The following KIF16B variants were observed in gnomAD, a reference collection of about 807,000 sequenced individuals.
KIF16B encodes the protein kinesin-like protein KIF16B.
Under a neutral mutation model 156.3 loss-of-function variants are expected in KIF16B, and 98 were observed. That is an observed-to-expected ratio of 0.63 (90% CI 0.53 to 0.74). The LOEUF is 0.74. Ranked by LOEUF, KIF16B falls within the 30% of genes least tolerant of loss-of-function variation. KIF16B has a pLI of 0.00. For synonymous variants in KIF16B, 564 were observed against 583.7 expected, an observed-to-expected ratio of 0.97 and a Z score of 0.49; for missense variants, 1,421 against 1,606.5, an observed-to-expected ratio of 0.88 and a Z score of 1.97.
At chr20:16,417,047 C>A (rs189455798) in intron 15 of KIF16B, among the ~76,000 whole-genome samples, 28 of 152,212 alleles carry the variant, frequency 1.8e-4, no homozygotes, top group African/African-American at 6.0e-4. Flanking sequence ...CCTCTCATTT[C>A]TTGGCCGTAG....
At chr20:16,544,380 C>T (rs1000874993) in intron 1 of KIF16B, among the ~76,000 whole-genome samples, 2 of 152,070 alleles carry the variant, frequency 1.3e-5, no homozygotes, top group African/African-American at 4.8e-5. Context: ...GAGGCCAAGG[C>T]AGGTGAATGA....
rs747933709 is a variant in KIF16B at position 16,374,522 on chromosome 20, C to T, written c.3198-113G>A. ...GGGAACAAGATCTGTCCTCTGTGTG[C>T]AAAGAACTTTACCTTCTAGTAGAAA... On this transcript the variant is annotated intron_variant, in intron 19 of 25. Transcript: ENST00000354981. The T allele has an allele frequency of 6.9e-6, 7 of 1,012,608 alleles. No homozygotes were observed. The East Asian group carries it at 1.7e-4, about 24-fold the overall frequency. 62.7% of individuals were successfully genotyped at this position (1,012,608 alleles called of 1,614,324 possible). A position where few individuals can be genotyped will look rare whatever the true frequency, so the allele number is the denominator to read the frequency against.
At chr20:16,382,835 T>C (rs1262417272) in intron 17 of KIF16B, among the ~76,000 whole-genome samples, 1 of 151,204 alleles carries the variant, frequency 6.6e-6, no homozygotes, top group African/African-American at 2.4e-5. Flanking sequence ...GCTAAAAAGC[T>C]TGGCTACAGA....
At chr20:16,540,373 T>C (rs2070147391) in intron 1 of KIF16B, among the ~76,000 whole-genome samples, 1 of 152,172 alleles carries the variant, frequency 6.6e-6, no homozygotes, top group South Asian at 2.1e-4. Context: ...TTTAGCAAGA[T>C]TTGATATTCC....
chr20:16,506,478 GCACT>G (rs2147017505), intron 7 of KIF16B, among the ~76,000 whole-genome samples: 1 of 152,242 alleles, frequency 6.6e-6, no homozygotes, highest in South Asian at 2.1e-4. Context: ...GCACTGAGTG[GCACT>G]CAGCAGAGAA....
chr20:16,425,374 T>C (rs1030256367), intron 15 of KIF16B, among the ~76,000 whole-genome samples: 1 of 152,034 alleles, frequency 6.6e-6, no homozygotes, highest in Non-Finnish European at 1.5e-5. Context: ...TTTAAATAGA[T>C]AAATGACAAG....
chr20:16,418,839 T>A lies in KIF16B; in HGVS notation c.1612+8265A>T, dbSNP rs534771060. On this transcript the variant is annotated intron_variant, in intron 15 of 25. Transcript: ENST00000354981. Reference sequence around the variant, plus strand: ...GCACATTCAGCCACCCAGCTCAGCATAAATTCCTGTTCCCTTTCCCCCTCC... The same window carrying A: ...GCACATTCAGCCACCCAGCTCAGCAAAAATTCCTGTTCCCTTTCCCCCTCC... 5.9e-5 allele frequency among the ~76,000 whole-genome samples: 9 copies of A among 152,292 alleles called. No homozygotes were observed. In the South Asian group the frequency reaches 1.2e-3, roughly 21 times the overall value.
chr20:16,319,691 A>AG (rs936371567), intron 24 of KIF16B, among the ~76,000 whole-genome samples: 7 of 152,256 alleles, frequency 4.6e-5, no homozygotes, highest in African/African-American at 1.7e-4. Flanking sequence ...AAAATCTCTG[A>AG]GGGGGGCCAG....
intron 12 of KIF16B, among the ~76,000 whole-genome samples, chr20:16,451,348 C>T (rs2067075942): frequency 6.6e-6 from 1 of 152,000 alleles, no homozygotes; most frequent in South Asian, 2.1e-4. Flanking sequence ...AATGGAGCTC[C>T]TCTAGCCACT....
chr20:16,514,885 CAAAAAAAA>C (rs10564862), intron 4 of KIF16B, among the ~76,000 whole-genome samples: 9 of 60,752 alleles, frequency 1.5e-4, no homozygotes, highest in African/African-American at 3.8e-4. Flanking sequence ...GATTCCATCT[CAAAAAAAA>C]AAAAAAAAAA....
intron 17 of KIF16B, among the ~76,000 whole-genome samples, chr20:16,391,280 C>T (rs1326963120): frequency 2.6e-5 from 4 of 152,116 alleles, no homozygotes; most frequent in Non-Finnish European, 4.4e-5. Flanking sequence ...AGGGCACCTT[C>T]CTGGGCAAGC....
intron 12 of KIF16B, among the ~76,000 whole-genome samples, chr20:16,458,437 C>T (rs2067265859): frequency 6.6e-6 from 1 of 152,104 alleles, no homozygotes; most frequent in African/African-American, 2.4e-5. Flanking sequence ...AAAGTCCAAA[C>T]AGGAAGCTGT....
chr20:16,548,497 G>C (rs1214067372), intron 1 of KIF16B, among the ~76,000 whole-genome samples: 3 of 152,184 alleles, frequency 2.0e-5, no homozygotes, highest in Non-Finnish European at 2.9e-5. Flanking sequence ...CCTGAGCTCC[G>C]CCTCCTGTCA....
intron 24 of KIF16B, among the ~76,000 whole-genome samples, chr20:16,319,555 G>T (rs1002043629): frequency 6.6e-6 from 1 of 152,196 alleles, no homozygotes; most frequent in Non-Finnish European, 1.5e-5. Flanking sequence ...AGACAGACAG[G>T]TGGACACAGA....
intron 7 of KIF16B, among the ~76,000 whole-genome samples, chr20:16,506,907 C>T (rs2068798024): frequency 6.6e-6 from 1 of 150,980 alleles, no homozygotes; most frequent in Non-Finnish European, 1.5e-5. Context: ...CCAGCCTGGG[C>T]ATCATAGTGA....
intron 1 of KIF16B, among the ~76,000 whole-genome samples, chr20:16,567,622 G>C (rs1325454202): frequency 6.6e-6 from 1 of 152,138 alleles, no homozygotes; most frequent in Non-Finnish European, 1.5e-5. Flanking sequence ...TTATAGGTCA[G>C]TCAATTGGTG....
chr20:16,317,253 T>C (rs577960720), intron 24 of KIF16B, among the ~76,000 whole-genome samples: 2 of 152,338 alleles, frequency 1.3e-5, no homozygotes, highest in East Asian at 1.9e-4. Flanking sequence ...TGACAATCTG[T>C]AGGTGGAGAG....
chr20:16,517,908 C>T (rs927989713), intron 3 of KIF16B, among the ~76,000 whole-genome samples: 2 of 152,092 alleles, frequency 1.3e-5, no homozygotes, highest in African/African-American at 4.8e-5. Flanking sequence ...GGGGCTAAAC[C>T]AAAGTCATGG....
At chr20:16,444,082 C>T (rs1360743448) in intron 12 of KIF16B, among the ~76,000 whole-genome samples, 2 of 152,214 alleles carry the variant, frequency 1.3e-5, no homozygotes, top group Non-Finnish European at 2.9e-5. Context: ...AGTCAGGAGT[C>T]AAAAGGAAAC....
Sources: gnomAD v4.1 joint callset for allele counts (sites outside exome capture counted in the v4.1 genomes callset) on GRCh38, gnomAD v4.1.1 for gene constraint, MANE v1.5 for transcripts, NCBI Gene and HGNC (gene_info 2026-07-23, HGNC 2026-07-21) for gene names.